The following ADAM23 variants were observed in gnomAD, a reference collection of about 807,000 sequenced individuals.
The protein encoded by ADAM23 is disintegrin and metalloproteinase domain-containing protein 23.
ADAM23 carries 33 observed loss-of-function variants against 120.1 expected under a neutral mutation model. The observed-to-expected ratio is 0.27, with a 90% confidence interval of 0.21 to 0.37. The LOEUF is 0.37. Among genes scored for constraint, ADAM23 ranks in the 10% least tolerant of loss-of-function variants. ADAM23 has a pLI of 1.00. For missense variants in ADAM23, 862 were observed against 1,058.2 expected (o/e 0.81, Z 2.57); for synonymous variants, 367 against 375.2 (o/e 0.98, Z 0.25).
intron 3 of ADAM23, among the ~76,000 whole-genome samples, chr2:206,503,113 T>C (rs11677387): frequency 0.012 from 1,879 of 152,292 alleles, 16 homozygotes; most frequent in Non-Finnish European, 0.02. Context: ...GTTGTGTTGC[T>C]GGTTTATTGG....
At chr2:206,525,629 T>C (rs2105793637) in intron 3 of ADAM23, among the ~76,000 whole-genome samples, 1 of 152,292 alleles carries the variant, frequency 6.6e-6, no homozygotes, top group East Asian at 1.9e-4. Flanking sequence ...TCTTGCTCTG[T>C]CGCTCAGGCT....
chr2:206,491,427 C>A (rs1323601987), intron 3 of ADAM23, among the ~76,000 whole-genome samples: 2 of 152,112 alleles, frequency 1.3e-5, no homozygotes, highest in Admixed American at 6.5e-5. Context: ...GTTTATCTTA[C>A]CTAGGATATA....
chr2:206,520,163 C>T (rs1008367956), intron 3 of ADAM23, among the ~76,000 whole-genome samples: 2 of 152,162 alleles, frequency 1.3e-5, no homozygotes, highest in Non-Finnish European at 2.9e-5. Context: ...TTTTACTTTA[C>T]AGGGTTGTGC....
At chr2:206,451,471 C>T (rs527962298) in intron 2 of ADAM23, among the ~76,000 whole-genome samples, 145 of 152,332 alleles carry the variant, frequency 9.5e-4, no homozygotes, top group Non-Finnish European at 1.6e-3. Context: ...AACTCCTGAC[C>T]TCAGGTGATC....
intron 25 of ADAM23, among the ~76,000 whole-genome samples, chr2:206,611,234 C>T (rs1238062332): frequency 6.6e-6 from 1 of 152,002 alleles, no homozygotes; most frequent in Non-Finnish European, 1.5e-5. Context: ...TCTTTTCTCT[C>T]GGTATATTTG....
At chr2:206,562,351 G>C in intron 13 of ADAM23, 58 bp downstream of exon 13, 2 of 1,200,180 alleles carry the variant, frequency 1.7e-6, no homozygotes, top group South Asian at 1.3e-5. Context: ...TATAATGCAT[G>C]TCCAGTCAAT....
At chr2:206,552,584 AGTT>A (rs1406568255) in intron 9 of ADAM23, among the ~76,000 whole-genome samples, 2 of 152,112 alleles carry the variant, frequency 1.3e-5, no homozygotes, top group Non-Finnish European at 2.9e-5. Flanking sequence ...TCTGTGATAG[AGTT>A]CCTTATTTAG....
At chr2:206,522,538 A>T (rs1696864919) in intron 3 of ADAM23, among the ~76,000 whole-genome samples, 1 of 152,192 alleles carries the variant, frequency 6.6e-6, no homozygotes, top group African/African-American at 2.4e-5. Context: ...GACTTGGAAG[A>T]GAGTAGTTTC....
At chr2:206,450,619 CACTA>C (rs1315491063) in intron 2 of ADAM23, among the ~76,000 whole-genome samples, 2 of 152,192 alleles carry the variant, frequency 1.3e-5, no homozygotes, top group African/African-American at 4.8e-5. Context: ...GCATAAGTCA[CACTA>C]ACTATATGCT....
chr2:206,521,016 C>T (rs1039144276), intron 3 of ADAM23, among the ~76,000 whole-genome samples: 1 of 152,024 alleles, frequency 6.6e-6, no homozygotes, highest in Non-Finnish European at 1.5e-5. Context: ...TCTTCTCTTT[C>T]CTGCCCATAT....
In ADAM23 at chr2:206,561,186, C is replaced by T. The variant is rs769432922; in HGVS notation, c.1228C>T (p.Arg410Cys). 5.6e-6 allele frequency: 9 copies of T among 1,613,832 alleles called. No homozygotes were observed. Among genetic ancestry groups the T allele is most frequent in the Admixed American group, 5.0e-5 (3 of 59,998 alleles). Residue 410 changes from arginine to cysteine, a missense_variant, in exon 12 of 26, where the codon CGC (arginine) becomes TGC (cysteine). By Grantham distance (180) the Arg-to-Cys change is radical. This residue lies in a region of ADAM23 where 617 missense variants were observed against 813.5 expected (regional missense o/e 0.76). Coordinates refer to ENST00000264377, the MANE Select transcript of ADAM23 (RefSeq NM_003812.4). Reference protein sequence around the residue: ...SLSYFGGVCSRTRGVGVNEYG... With the variant: ...SLSYFGGVCSCTRGVGVNEYG... ...GAGTTACTTTGGAGGTGTCTGTTCTCGCACAAGAGGAGTTGGTGTGAATGA... is the reference window on the plus strand; with the variant it reads ...GAGTTACTTTGGAGGTGTCTGTTCTTGCACAAGAGGAGTTGGTGTGAATGA...
At chr2:206,492,451 A>G (rs1003638225) in intron 3 of ADAM23, among the ~76,000 whole-genome samples, 3 of 152,194 alleles carry the variant, frequency 2.0e-5, no homozygotes, top group African/African-American at 2.4e-5. Context: ...GAGTTGAGAC[A>G]TTATCTAATT....
In ADAM23 at chr2:206,444,048, G is replaced by A. The variant is rs759292607; in HGVS notation, c.182G>A (p.Arg61Gln). 22 of 1,400,092 alleles carry A rather than the reference G, an allele frequency of 1.6e-5. No individual in the cohort carries two copies. In the South Asian group the frequency reaches 2.9e-4, roughly 19 times the overall value. The allele number at this position is 1,400,092 out of a possible 1,614,324, so 86.7% of individuals were successfully genotyped here. Reference sequence around the variant, plus strand: ...CTGCCTCCGCTCGCCGCCTCGTCCCGGCCCCGCGCCTGGGGGGCTGCTGCG... The same window carrying A: ...CTGCCTCCGCTCGCCGCCTCGTCCCAGCCCCGCGCCTGGGGGGCTGCTGCG... ...LLLPPLAASS[R>Q]PRAWGAAAPS... Residue 61 changes from arginine (R) to glutamine (Q), a missense_variant, in exon 1 of 26, where the codon CGG becomes CAG. Arg to Gln is a conservative substitution (Grantham distance 43). Coordinates refer to ENST00000264377, the MANE Select transcript of ADAM23 (RefSeq NM_003812.4).
intron 3 of ADAM23, among the ~76,000 whole-genome samples, chr2:206,529,473 A>T (rs1697007019): frequency 6.6e-6 from 1 of 152,126 alleles, no homozygotes; most frequent in African/African-American, 2.4e-5. Flanking sequence ...ATCGTAGCTC[A>T]CTGCAGCCTC....
chr2:206,508,254 C>A (rs543394678), intron 3 of ADAM23, among the ~76,000 whole-genome samples: 48 of 152,236 alleles, frequency 3.2e-4, no homozygotes, highest in African/African-American at 1.1e-3. Flanking sequence ...TGGTCTTGAT[C>A]TGACCTCGTG....
chr2:206,534,660 CAT>C (rs1697135437), intron 4 of ADAM23, among the ~76,000 whole-genome samples: 1 of 152,156 alleles, frequency 6.6e-6, no homozygotes, highest in Admixed American at 6.5e-5. Flanking sequence ...TCAAAATTAA[CAT>C]ATTTCTATTA....
chr2:206,491,587 A>G (rs888414011), intron 3 of ADAM23, among the ~76,000 whole-genome samples: 1 of 152,192 alleles, frequency 6.6e-6, no homozygotes, highest in African/African-American at 2.4e-5. Context: ...TTTGAAGACA[A>G]AGACAAATAA....
intron 3 of ADAM23, among the ~76,000 whole-genome samples, chr2:206,489,344 A>C (rs1696081719): frequency 6.6e-6 from 1 of 152,182 alleles, no homozygotes; most frequent in Non-Finnish European, 1.5e-5. Context: ...CATCTGAGAG[A>C]GGGAATCAGG....
In ADAM23 at chr2:206,589,419, G is replaced by T. The variant is rs538818188; in HGVS notation, c.1863G>T (p.Gly621=). The T allele has an allele frequency of 6.2e-7, 1 of 1,613,446 alleles. No individual in the cohort carries two copies. Among genetic ancestry groups the T allele is most frequent in the African/African-American group, 1.3e-5 (1 of 75,022 alleles). The change falls in exon 21 of 26, where the codon GGG becomes GGT. Residue 621 remains glycine, a synonymous_variant. Coordinates refer to ENST00000264377, the MANE Select transcript of ADAM23 (RefSeq NM_003812.4). ...GCCTATCTCCAAAAGAGGCTGCAGG[G>T]TCTGACAAGTTCTGCTATGAAAAGC... ...CQYIWGTKAA[G]SDKFCYEKLN...
Sources: allele counts gnomAD v4.1 joint callset (sites outside exome capture counted in the v4.1 genomes callset), GRCh38; gene constraint gnomAD v4.1.1; regional missense constraint gnomAD v4.1.1; transcripts MANE v1.5; gene names NCBI Gene and HGNC (gene_info 2026-07-23, HGNC 2026-07-21).